Variants in PHTF1 observed in about 807,000 individuals in gnomAD.
The protein encoded by PHTF1 is protein PHTF1.
PHTF1 carries 88 observed loss-of-function variants against 102.4 expected under a neutral mutation model. The observed-to-expected ratio is 0.86, with a 90% CI of 0.72 to 1.03. The LOEUF (loss-of-function observed/expected upper bound fraction) is 1.03. PHTF1 is among the 50% of genes least tolerant of loss of function. PHTF1 has a pLI of 0.00. For missense variants in PHTF1, 814 were observed against 909.5 expected (o/e 0.89, Z 1.35); for synonymous variants, 289 against 305.2 (o/e 0.95, Z 0.55).
chr1:113,732,613 A>G (rs1654836019), intron 5 of PHTF1, among the ~76,000 whole-genome samples: 1 of 152,242 alleles, frequency 6.6e-6, no homozygotes, highest in East Asian at 1.9e-4. Context: ...CAGAGTATGT[A>G]GTCCAGAAAC....
At chr1:113,738,007 C>A in intron 5 of PHTF1, 103 bp downstream of exon 5, 2 of 791,614 alleles carry the variant, frequency 2.5e-6, no homozygotes, top group Non-Finnish European at 4.1e-6. Context: ...GTACTTTAAA[C>A]TGTCAAATGA....
chr1:113,705,642 G>A (rs74901666), intron 13 of PHTF1: 4,272 of 373,052 alleles, frequency 0.011, 162 homozygotes, highest in African/African-American at 0.081. Context: ...CTAAGCAGTC[G>A]GCTAGGCTCA....
chr1:113,706,812 C>T, intron 11 of PHTF1, 90 bp from the exon 12 acceptor site: 1 of 677,104 alleles, frequency 1.5e-6, no homozygotes, highest in South Asian at 2.1e-5. Flanking sequence ...TGCCAACACT[C>T]TAATAACCAC....
intron 7 of PHTF1, among the ~76,000 whole-genome samples, chr1:113,724,175 T>C (rs1653459590): frequency 6.6e-6 from 1 of 152,140 alleles, no homozygotes; most frequent in South Asian, 2.1e-4. Context: ...GGTGGAAATG[T>C]AAAGTAGTAC....
At chr1:113,757,619 CAG>C in intron 3 of PHTF1, 78 bp downstream of exon 3, 1 of 893,556 alleles carries the variant, frequency 1.1e-6, no homozygotes, top group East Asian at 2.4e-5. Context: ...TAGTTAAATG[CAG>C]AGTTTACCAG....
Position 113,757,747 on chromosome 1 carries a change from G to A in PHTF1, c.54C>T (p.Ala18=), listed in dbSNP as rs764672447. 1 of 1,602,232 alleles carries A rather than the reference G, an allele frequency of 6.2e-7. No individual in the cohort carries two copies. The highest frequency in any genetic ancestry group is 1.1e-5 in the South Asian group (1 of 90,800). Residue 18 remains alanine, a synonymous_variant, in exon 3 of 19, where the codon GCC becomes GCT. Coordinates refer to ENST00000369604, the MANE Select transcript of PHTF1 (RefSeq NM_001323043.2). The part of the protein sequence containing the change: ...AISWYQKKIG[A]YDQQIWEKSI... ...ACTTTTCCCATATCTGCTGATCGTA[G>A]GCTCCAATCTGAAAGAGGGAGTAGT...
intron 7 of PHTF1, chr1:113,714,544 G>C (rs1412714448): frequency 6.6e-6 from 1 of 152,562 alleles, no homozygotes; most frequent in Non-Finnish European, 1.5e-5. Context: ...AGATTCCTCT[G>C]CTTGAGGAAA....
At chr1:113,724,524 G>A (rs1454374281) in intron 7 of PHTF1, among the ~76,000 whole-genome samples, 12 of 129,350 alleles carry the variant, frequency 9.3e-5, no homozygotes, top group African/African-American at 3.6e-4. Context: ...CTGGGTGAGA[G>A]AATGAGACTC....
At chr1:113,713,042 C>T (rs75564289) in intron 8 of PHTF1, among the ~76,000 whole-genome samples, 2 of 152,194 alleles carry the variant, frequency 1.3e-5, no homozygotes, top group Admixed American at 6.5e-5. Context: ...CCGCCTGTCT[C>T]GGCCTCCCAA....
chr1:113,758,361 G>A (rs1659207343), intron 2 of PHTF1, among the ~76,000 whole-genome samples: 1 of 151,960 alleles, frequency 6.6e-6, no homozygotes, highest in Non-Finnish European at 1.5e-5. Flanking sequence ...TGCACATACA[G>A]GTTTCATGTC....
rs746420779 is a variant in PHTF1, at chr1:113,713,284, G to A, written c.778C>T (p.Arg260Cys). The change falls in exon 8 of 19, where the codon CGT (arginine) becomes TGT (cysteine). Residue 260 changes from arginine to cysteine, a missense_variant. By Grantham distance (180) the Arg-to-Cys change is radical. Coordinates refer to ENST00000369604, the MANE Select transcript of PHTF1 (RefSeq NM_001323043.2). ...KAKFSDGEKC[R>C]REAFRRLGNG... is the part of the protein sequence containing the mutation. ...TAAATCCATCTAAATCTTACCCTAC[G>A]GCACTTTTCTCCATCTGAAAATTTT... The A allele has an allele frequency of 6.2e-6, 10 of 1,613,172 alleles. No individual in the cohort carries two copies. In the East Asian group the frequency reaches 8.9e-5, roughly 14 times the overall value.
At chr1:113,745,225 T>G (rs1437312761) in intron 3 of PHTF1, among the ~76,000 whole-genome samples, 1 of 152,100 alleles carries the variant, frequency 6.6e-6, no homozygotes, top group Non-Finnish European at 1.5e-5. Flanking sequence ...ACTATAACCA[T>G]GCTAGGAGTA....
At position 113,706,679 on chromosome 1, in the gene PHTF1, C is replaced by T. The variant is rs1571094947; in HGVS notation, c.1313G>A (p.Arg438Gln). 2 of 1,608,190 alleles carry T rather than the reference C, an allele frequency of 1.2e-6. No individual in the cohort carries two copies. Among genetic ancestry groups the T allele is most frequent in the Non-Finnish European group, 1.7e-6 (2 of 1,176,276 alleles). Residue 438 changes from arginine (R) to glutamine (Q), a missense_variant, in exon 12 of 19, where the codon CGA (arginine) becomes CAA (glutamine). Coordinates refer to ENST00000369604, the MANE Select transcript of PHTF1 (RefSeq NM_001323043.2). The stretch of plus-strand genomic sequence containing the variant: ...CCCCTCCCAGATTATTGCACTAACT[C>T]GATCAGAGGAAGGACTTGAATTCTG... ...WLQNSSPSSD[R>Q]VSAIIWEGNE...
At chr1:113,729,447 T>C (rs987900337) in intron 5 of PHTF1, among the ~76,000 whole-genome samples, 1 of 152,206 alleles carries the variant, frequency 6.6e-6, no homozygotes, top group African/African-American at 2.4e-5. Flanking sequence ...CTTGAGAAGA[T>C]GAATACCCTA....
At chr1:113,736,299 G>A (rs1361441790) in intron 5 of PHTF1, among the ~76,000 whole-genome samples, 7 of 144,058 alleles carry the variant, frequency 4.9e-5, no homozygotes, top group Non-Finnish European at 9.0e-5. Flanking sequence ...CCAAGATCGC[G>A]CCACTGCACT....
chr1:113,705,301 G>A (rs890441006), intron 13 of PHTF1, among the ~76,000 whole-genome samples: 2 of 152,126 alleles, frequency 1.3e-5, no homozygotes, highest in African/African-American at 4.8e-5. Context: ...TTAGTCGGGT[G>A]TGGTGGCGCA....
At chr1:113,727,659 GTTATGT>G in intron 5 of PHTF1, among the ~76,000 whole-genome samples, 2 of 152,114 alleles carry the variant, frequency 1.3e-5, no homozygotes, top group Admixed American at 6.5e-5. Context: ...TCAATTGACA[GTTATGT>G]AATAAAGAAT....
chr1:113,706,741 A>C lies in PHTF1; in HGVS notation c.1270-19T>G. 6.3e-7 allele frequency: 1 copy of C among 1,580,162 alleles called. No homozygotes were observed. Among genetic ancestry groups the C allele is most frequent in the Non-Finnish European group, 8.6e-7 (1 of 1,162,220 alleles). On this transcript the variant is annotated intron_variant, in intron 11 of 18. Coordinates refer to ENST00000369604, the MANE Select transcript of PHTF1 (RefSeq NM_001323043.2). ...AATGATTCTGAGAAGAAAAATATAA[A>C]ATTGTTTCTATCCATGCCCTCTTGC...
intron 15 of PHTF1, 89 bp downstream of exon 15, chr1:113,703,992 A>C (rs1236227292): frequency 8.6e-6 from 6 of 697,008 alleles, no homozygotes; most frequent in Non-Finnish European, 7.2e-6. Context: ...AAAAATACAT[A>C]CTTAAGGACA....
Sources: gnomAD v4.1 joint callset for allele counts (sites outside exome capture counted in the v4.1 genomes callset) on GRCh38, gnomAD v4.1.1 for gene constraint, MANE v1.5 for transcripts, NCBI Gene and HGNC (gene_info 2026-07-23, HGNC 2026-07-21) for gene names.